Variants in AGBL1 observed in about 807,000 individuals in gnomAD.
The protein encoded by AGBL1 is AGBL carboxypeptidase 1.
AGBL1 carries 130 observed loss-of-function variants against 118.9 expected under a neutral mutation model. That is an observed-to-expected ratio of 1.09 (90% CI 0.95 to 1.26). AGBL1 has a LOEUF of 1.26. Ranked by LOEUF, AGBL1 falls within the 50% of genes most tolerant of loss-of-function variation. The pLI, the probability that AGBL1 is intolerant of heterozygous loss-of-function variation, is 0.00. For missense variants in AGBL1, 1,584 were observed against 1,298.1 expected (o/e 1.22, Z -3.38); for synonymous variants, 555 against 478.9 (o/e 1.16, Z -2.08).
intron 6 of AGBL1, among the ~76,000 whole-genome samples, chr15:86,225,226 G>C (rs563224940): frequency 1.1e-4 from 16 of 151,774 alleles, no homozygotes; most frequent in African/African-American, 3.1e-4. Context: ...GACCCTAAAG[G>C]GGGTATATTG....
chr15:86,449,715 G>A (rs1408236585), intron 18 of AGBL1, among the ~76,000 whole-genome samples: 4 of 152,174 alleles, frequency 2.6e-5, no homozygotes, highest in Non-Finnish European at 5.9e-5. Context: ...CTGGGACTAG[G>A]CAGCAGAATT....
intron 17 of AGBL1, among the ~76,000 whole-genome samples, chr15:86,362,777 C>A (rs966999194): frequency 2.0e-5 from 3 of 152,178 alleles, no homozygotes; most frequent in African/African-American, 7.2e-5. Context: ...ACTTCAAGAT[C>A]TGCAGTAGGG....
At chr15:86,624,771 G>A (rs2084858911) in intron 21 of AGBL1, among the ~76,000 whole-genome samples, 3 of 152,148 alleles carry the variant, frequency 2.0e-5, no homozygotes, top group Admixed American at 2.0e-4. Context: ...AACTGCCCCA[G>A]GGACTCCTCT....
intron 22 of AGBL1, among the ~76,000 whole-genome samples, chr15:86,793,809 C>G (rs1416682343): frequency 6.6e-6 from 1 of 152,068 alleles, no homozygotes; most frequent in Non-Finnish European, 1.5e-5. Context: ...TAGACTTTTT[C>G]CAAAGAAGAT....
At chr15:86,692,251 G>T (rs2086185258) in intron 22 of AGBL1, among the ~76,000 whole-genome samples, 1 of 151,924 alleles carries the variant, frequency 6.6e-6, no homozygotes, top group Non-Finnish European at 1.5e-5. Context: ...TCTCGAATCA[G>T]TCCACATCCT....
At chr15:86,369,277 C>T (rs539378113) in intron 17 of AGBL1, among the ~76,000 whole-genome samples, 1 of 152,156 alleles carries the variant, frequency 6.6e-6, no homozygotes, top group South Asian at 2.1e-4. Context: ...GATAGCAATG[C>T]CAATATGGAA....
intron 5 of AGBL1, among the ~76,000 whole-genome samples, chr15:86,204,965 T>G (rs1010439199): frequency 6.6e-6 from 1 of 152,180 alleles, no homozygotes; most frequent in Non-Finnish European, 1.5e-5. Context: ...ACTTTTGGTG[T>G]TGTACATTCT....
intron 22 of AGBL1, among the ~76,000 whole-genome samples, chr15:86,696,552 T>A (rs2086264186): frequency 6.6e-6 from 1 of 152,000 alleles, no homozygotes; most frequent in Non-Finnish European, 1.5e-5. Flanking sequence ...TCTGCAATTC[T>A]GTATCTTTTA....
At chr15:86,710,431 T>C (rs1391969769) in intron 22 of AGBL1, among the ~76,000 whole-genome samples, 3 of 152,174 alleles carry the variant, frequency 2.0e-5, no homozygotes, top group African/African-American at 7.2e-5. Flanking sequence ...CCAAGGTAGT[T>C]CTATTATTTC....
At chr15:86,410,297 C>G (rs1245491262) in intron 18 of AGBL1, among the ~76,000 whole-genome samples, 1 of 152,122 alleles carries the variant, frequency 6.6e-6, no homozygotes, top group Non-Finnish European at 1.5e-5. Flanking sequence ...TGCAATCTCA[C>G]TGCTTTTCTC....
At chr15:86,920,327 A>C (rs1156234201), downstream of AGBL1, among the ~76,000 whole-genome samples, 2 of 152,218 alleles carry the variant, frequency 1.3e-5, no homozygotes, top group African/African-American at 4.8e-5. Flanking sequence ...AAGTGGATTT[A>C]ACCACCACCC....
intron 6 of AGBL1, among the ~76,000 whole-genome samples, chr15:86,245,946 C>G (rs1373225118): frequency 6.6e-6 from 1 of 151,960 alleles, no homozygotes; most frequent in Non-Finnish European, 1.5e-5. Flanking sequence ...CTCTGTTGCT[C>G]AGGACTATAG....
intron 1 of AGBL1, among the ~76,000 whole-genome samples, chr15:86,101,805 T>C (rs976242125): frequency 1.3e-5 from 2 of 152,194 alleles, no homozygotes; most frequent in Non-Finnish European, 2.9e-5. Context: ...TATAGTTCAG[T>C]GTTTTCTAAA....
intron 23 of AGBL1, among the ~76,000 whole-genome samples, chr15:86,947,136 G>T (rs2080834511): frequency 6.6e-6 from 1 of 152,126 alleles, no homozygotes; most frequent in Admixed American, 6.5e-5. Flanking sequence ...TGAGAAGGGT[G>T]GTGGGAATTC....
chr15:86,882,705 G>C (rs1413030163), intron 22 of AGBL1, among the ~76,000 whole-genome samples: 2 of 152,276 alleles, frequency 1.3e-5, no homozygotes, highest in South Asian at 4.1e-4. Flanking sequence ...GGCCAACTCT[G>C]TTTGGATCAG....
intron 23 of AGBL1, among the ~76,000 whole-genome samples, chr15:86,973,842 C>CA (rs2081135945): frequency 6.8e-6 from 1 of 148,048 alleles, no homozygotes; most frequent in South Asian, 2.1e-4. Flanking sequence ...TGCGTACCCC[C>CA]AGTGTTCTTA....
chr15:86,569,149 C>T (rs1277144201), intron 21 of AGBL1, among the ~76,000 whole-genome samples: 1 of 152,000 alleles, frequency 6.6e-6, no homozygotes, highest in African/African-American at 2.4e-5. Flanking sequence ...AATCCAGATG[C>T]TGCTGGGCGC....
chr15:86,892,373 G>A (rs2080064022), intron 22 of AGBL1, among the ~76,000 whole-genome samples: 1 of 152,148 alleles, frequency 6.6e-6, no homozygotes. Context: ...CAGAGTTCAT[G>A]ACTTCGATTG....
intron 18 of AGBL1, among the ~76,000 whole-genome samples, chr15:86,474,821 C>T (rs570537697): frequency 6.6e-6 from 1 of 152,306 alleles, no homozygotes; most frequent in African/African-American, 2.4e-5. Flanking sequence ...TGGGAGGCAC[C>T]CCCCAGTAGG....
Sources: allele counts gnomAD v4.1 joint callset (sites outside exome capture counted in the v4.1 genomes callset), GRCh38; gene constraint gnomAD v4.1.1; transcripts MANE v1.5; gene names NCBI Gene and HGNC (gene_info 2026-07-23, HGNC 2026-07-21).